The following MAPK14 variants were observed in gnomAD, a reference collection of about 807,000 sequenced individuals.
The protein encoded by MAPK14 is CSAID-binding protein.
A neutral mutation model predicts 49.6 loss-of-function variants in MAPK14; 16 were observed. The ratio of observed to expected loss-of-function variants is 0.32; its 90% CI spans 0.22 to 0.49. MAPK14 has a LOEUF of 0.49. Among genes scored for constraint, MAPK14 ranks in the 20% least tolerant of loss-of-function variants. The pLI, the probability that MAPK14 is intolerant of heterozygous loss-of-function variation, is 0.99. For missense variants in MAPK14, 200 were observed against 441.2 expected (o/e 0.45, Z 4.90); for synonymous variants, 142 against 158.0 (o/e 0.90, Z 0.76).
intron 3 of MAPK14, among the ~76,000 whole-genome samples, chr6:36,064,855 G>A (rs1365080742): frequency 6.6e-6 from 1 of 152,100 alleles, no homozygotes; most frequent in African/African-American, 2.4e-5. Context: ...AATACCATGT[G>A]GTAAGACCTG....
rs1404941260 is a variant in MAPK14 at position 36,028,897 on chromosome 6, C to T, written c.116+624C>T. The stretch of plus-strand genomic sequence containing the variant: ...ACAGCGATCCATAGAGCTTAAAATA[C>T]CGACTTTATCTCGGTGAGCACTGTG... On this transcript the variant is annotated intron_variant, in intron 1 of 11. Coordinates refer to ENST00000229794, the MANE Select transcript of MAPK14 (RefSeq NM_139012.3). This position sits in a 1 kb window ranked among gnomAD's most constrained non-coding sequence, Gnocchi z 5.1. Among the ~76,000 whole-genome samples, 1 of 143,160 alleles carries T rather than the reference C, an allele frequency of 7.0e-6. No individual in the cohort carries two copies. Among genetic ancestry groups the T allele is most frequent in the Admixed American group, 7.2e-5 (1 of 13,920 alleles). The allele number at this position is 143,160 out of a possible 152,430, so 93.9% of individuals were successfully genotyped here.
At chr6:36,097,218 A>G (rs901329610) in intron 9 of MAPK14, 1 of 152,256 alleles carries the variant, frequency 6.6e-6, no homozygotes, top group Non-Finnish European at 1.5e-5. Flanking sequence ...TACTTATTTA[A>G]GATAAAGAAG....
chr6:36,054,070 T>TA (rs1303640336), intron 2 of MAPK14, among the ~76,000 whole-genome samples: 2 of 151,964 alleles, frequency 1.3e-5, no homozygotes, highest in African/African-American at 4.8e-5. Context: ...GAAGTTGAGA[T>TA]ATGCGGAAAA....
At chr6:36,052,610 C>G (rs922986837) in intron 1 of MAPK14, 89 bp from the exon 2 acceptor site, 1 of 1,259,796 alleles carries the variant, frequency 7.9e-7, no homozygotes, top group Middle Eastern at 2.0e-4. Flanking sequence ...GTTATAGACC[C>G]TTTAATTTGG....
intron 9 of MAPK14, among the ~76,000 whole-genome samples, 185 bp from the exon 10 acceptor site, chr6:36,102,386 G>A (rs549639955): frequency 8.7e-6 from 1 of 114,302 alleles, no homozygotes; most frequent in African/African-American, 4.1e-5. Context: ...GAATAAAGAA[G>A]GTGATGATCA....
chr6:36,096,198 G>T, intron 9 of MAPK14, 132 bp downstream of exon 9: 2 of 644,408 alleles, frequency 3.1e-6, no homozygotes, highest in East Asian at 5.4e-5. Flanking sequence ...GGATGAGTGA[G>T]GTATAAGACA....
chr6:36,122,800 T>G, the MAPK14 span, among the ~76,000 whole-genome samples: 1 of 152,126 alleles, frequency 6.6e-6, no homozygotes, highest in Non-Finnish European at 1.5e-5. Flanking sequence ...GCTATGCAAG[T>G]GACATTCTCC....
At chr6:36,122,456 G>A in the MAPK14 span, among the ~76,000 whole-genome samples, 1 of 152,236 alleles carries the variant, frequency 6.6e-6, no homozygotes, top group South Asian at 2.1e-4. Flanking sequence ...CAAGGCTGCT[G>A]GGGATAAGGC....
At chr6:36,069,168 T>C (rs1409571525) in intron 3 of MAPK14, among the ~76,000 whole-genome samples, 1 of 152,230 alleles carries the variant, frequency 6.6e-6, no homozygotes, top group Middle Eastern at 3.2e-3. Context: ...TTTACTAAAA[T>C]GTAATTGACT....
chr6:36,101,444 A>AG (rs1765632857), intron 9 of MAPK14, among the ~76,000 whole-genome samples: 1 of 152,048 alleles, frequency 6.6e-6, no homozygotes. Flanking sequence ...TCTCTAAAAA[A>AG]ATTTTTTTAA....
Position 36,027,978 on chromosome 6 carries a change from G to A in MAPK14, c.-180G>A, listed in dbSNP as rs1045353739. The A allele has an allele frequency of 4.5e-6, 2 of 440,678 alleles. No homozygotes were observed. The highest frequency in any genetic ancestry group is 8.8e-5 in the Admixed American group (2 of 22,814). The allele number at this position is 440,678 out of a possible 1,614,324, so 27.3% of individuals were successfully genotyped here. A position where few individuals can be genotyped will look rare whatever the true frequency, so the allele number is the denominator to read the frequency against. On this transcript the variant is annotated 5_prime_UTR_variant, in exon 1 of 12. Transcript: ENST00000229794. ...CCCAGTCGCAGGGGCACATCCAGCC[G>A]CTGCGGCTGACAGCAGCCGCGCGCG... is the stretch of plus-strand genomic sequence containing the variant.
intron 3 of MAPK14, among the ~76,000 whole-genome samples, chr6:36,070,980 A>T (rs1426567269): frequency 6.6e-6 from 1 of 152,172 alleles, no homozygotes; most frequent in Non-Finnish European, 1.5e-5. Context: ...ATTATTACCC[A>T]ATCTCAGGAA....
chr6:36,036,289 T>G (rs114997757), intron 1 of MAPK14, among the ~76,000 whole-genome samples: 1 of 148,392 alleles, frequency 6.7e-6, no homozygotes, highest in Non-Finnish European at 1.5e-5. Flanking sequence ...AGATGAGAAA[T>G]TGCTTCTCAG....
downstream of MAPK14, among the ~76,000 whole-genome samples, chr6:36,115,491 T>G (rs1417586350): frequency 6.6e-6 from 1 of 152,166 alleles, no homozygotes; most frequent in Non-Finnish European, 1.5e-5. Context: ...TACATTTCCA[T>G]ATATAAGTGC....
intron 3 of MAPK14, among the ~76,000 whole-genome samples, chr6:36,060,266 T>C (rs1763761710): frequency 6.6e-6 from 1 of 152,172 alleles, no homozygotes; most frequent in African/African-American, 2.4e-5. Context: ...GCCACGTATG[T>C]CATTAGTGCC....
At chr6:36,115,706 T>A (rs1766048611), downstream of MAPK14, among the ~76,000 whole-genome samples, 1 of 152,160 alleles carries the variant, frequency 6.6e-6, no homozygotes, top group Non-Finnish European at 1.5e-5. Context: ...GGCAAGTGGA[T>A]CACTCGCCAT....
At chr6:36,076,366 A>G (rs1036007850) in intron 7 of MAPK14, among the ~76,000 whole-genome samples, 171 bp from the exon 8 acceptor site, 8 of 152,218 alleles carry the variant, frequency 5.3e-5, no homozygotes, top group African/African-American at 1.9e-4. Context: ...CCCTTTAGTC[A>G]GGTGAAGATC....
intron 3 of MAPK14, among the ~76,000 whole-genome samples, chr6:36,060,214 G>A (rs1043585498): frequency 6.6e-6 from 1 of 152,126 alleles, no homozygotes; most frequent in Non-Finnish European, 1.5e-5. Flanking sequence ...CCTCAGATGG[G>A]GATCATTAAT....
In MAPK14 at chr6:36,059,356, AT is replaced by A; in HGVS notation, c.305+15del. On this transcript the variant is annotated intron_variant, in intron 3 of 11. Coordinates refer to ENST00000229794, the MANE Select transcript of MAPK14 (RefSeq NM_139012.3). ...GAGGAATTCAATGATGTGTGAGTAAATTTTTTGCATTTGCCTTCCTGGTCTA... is the reference window on the plus strand; with the variant it reads ...GAGGAATTCAATGATGTGTGAGTAAATTTTTGCATTTGCCTTCCTGGTCTA... 1 of 1,605,504 alleles carries A rather than the reference AT, an allele frequency of 6.2e-7. No individual in the cohort carries two copies. The highest frequency in any genetic ancestry group is 8.5e-7 in the Non-Finnish European group (1 of 1,172,536).
Sources: allele counts gnomAD v4.1 joint callset (sites outside exome capture counted in the v4.1 genomes callset), GRCh38; gene constraint gnomAD v4.1.1; non-coding constraint Gnocchi (gnomAD v3.1); transcripts MANE v1.5; gene names NCBI Gene and HGNC (gene_info 2026-07-23, HGNC 2026-07-21).